ZFAND4: variants seen among roughly 807,000 people sequenced by gnomAD.
ZFAND4 encodes zinc finger AN1-type containing 4.
A neutral mutation model predicts 64.4 loss-of-function variants in ZFAND4; 43 were observed. That is an observed-to-expected ratio of 0.67 (90% CI 0.52 to 0.86). The LOEUF is 0.86. Among genes scored for constraint, ZFAND4 ranks in the 40% least tolerant of loss-of-function variants. The pLI, the probability that ZFAND4 is intolerant of heterozygous loss-of-function variation, is 0.00. For synonymous variants in ZFAND4, 296 were observed against 305.7 expected, an observed-to-expected ratio of 0.97 and a Z score of 0.33; for missense variants, 929 against 859.8, an observed-to-expected ratio of 1.08 and a Z score of -1.01.
chr10:45,626,136 A>G lies in ZFAND4; in HGVS notation c.1687T>C (p.Cys563Arg). Reference protein sequence around the residue: ...TNKASKEPVGCVNNISFLASL... With the variant: ...TNKASKEPVGRVNNISFLASL... ...GCAAGAAAACTGATATTATTTACACAACCAACAGGCTCTTTGGAAGCCTTG... is the reference window on the plus strand; with the variant it reads ...GCAAGAAAACTGATATTATTTACACGACCAACAGGCTCTTTGGAAGCCTTG... The change falls in exon 7 of 10, where the codon TGT (cysteine) becomes CGT (arginine). Residue 563 changes from cysteine (C) to arginine (R), a missense_variant. Transcript: ENST00000344646. 1.2e-6 allele frequency: 2 copies of G among 1,614,142 alleles called. No homozygotes were observed. The highest frequency in any genetic ancestry group is 1.7e-6 in the Non-Finnish European group (2 of 1,180,038).
chr10:45,641,941 T>A (rs1169341137), intron 5 of ZFAND4, among the ~76,000 whole-genome samples: 1 of 152,176 alleles, frequency 6.6e-6, no homozygotes, highest in Non-Finnish European at 1.5e-5. Context: ...CTACTACTAC[T>A]CATTGCTTCC....
intron 6 of ZFAND4, among the ~76,000 whole-genome samples, chr10:45,635,216 A>AAAAAC (rs2046500483): frequency 7.2e-6 from 1 of 139,412 alleles, no homozygotes; most frequent in African/African-American, 2.9e-5. Context: ...AAAAAAAACA[A>AAAAAC]AAAAAAAACA....
intron 6 of ZFAND4, among the ~76,000 whole-genome samples, chr10:45,638,824 C>A (rs998435796): frequency 6.6e-6 from 1 of 152,118 alleles, no homozygotes; most frequent in Non-Finnish European, 1.5e-5. Context: ...CAAACAAATA[C>A]TTTTAACAAA....
intron 4 of ZFAND4, chr10:45,651,564 A>C: frequency 2.1e-6 from 1 of 471,760 alleles, no homozygotes; most frequent in Non-Finnish European, 4.4e-6. Context: ...ACACATCACA[A>C]ACCAGGTAAA....
At chr10:45,671,790 C>T (rs1166267530) in intron 1 of ZFAND4, among the ~76,000 whole-genome samples, 2 of 151,440 alleles carry the variant, frequency 1.3e-5, no homozygotes, top group Non-Finnish European at 2.9e-5. Flanking sequence ...ATGTACCAAA[C>T]CTGCACGTTG....
intron 6 of ZFAND4, among the ~76,000 whole-genome samples, chr10:45,629,826 A>G (rs1036420206): frequency 1.7e-4 from 26 of 152,078 alleles, no homozygotes; most frequent in African/African-American, 6.3e-4. Context: ...TCATGCCACT[A>G]CACCCCAGCC....
At chr10:45,623,119 C>T (rs1265348307) in intron 8 of ZFAND4, among the ~76,000 whole-genome samples, 1 of 152,124 alleles carries the variant, frequency 6.6e-6, no homozygotes, top group Non-Finnish European at 1.5e-5. Context: ...AGGAAAATAA[C>T]AAGTGTTGCC....
intron 6 of ZFAND4, among the ~76,000 whole-genome samples, chr10:45,627,785 G>C (rs1044042230): frequency 2.0e-5 from 3 of 152,106 alleles, no homozygotes; most frequent in Non-Finnish European, 4.4e-5. Context: ...GAGCCTCCCC[G>C]GTAAACAACA....
At position 45,651,225 on chromosome 10, in the gene ZFAND4, T is replaced by C. The variant is rs541746504; in HGVS notation, c.328+741A>G. ...GTGACATACCTGACTCAGGGACCAA[T>C]GTGAATACTGCCGTCTCTTCTTGTG... is the stretch of plus-strand genomic sequence containing the variant. On this transcript the variant is annotated intron_variant, in intron 4 of 9. Coordinates refer to ENST00000344646, the MANE Select transcript of ZFAND4 (RefSeq NM_174890.4). The C allele has an allele frequency of 1.3e-4, 23 of 170,744 alleles. No homozygotes were observed. In the South Asian group the frequency reaches 3.1e-3, roughly 23 times the overall value. The allele number at this position is 170,744 out of a possible 1,614,324, so 10.6% of individuals were successfully genotyped here.
chr10:45,637,852 T>C (rs1343066829), intron 6 of ZFAND4, among the ~76,000 whole-genome samples: 2 of 152,094 alleles, frequency 1.3e-5, no homozygotes, highest in Admixed American at 1.3e-4. Flanking sequence ...CAAGCCACCA[T>C]AGAGTGTTAG....
At chr10:45,668,878 C>T (rs911246988) in intron 1 of ZFAND4, among the ~76,000 whole-genome samples, 2 of 152,200 alleles carry the variant, frequency 1.3e-5, no homozygotes, top group African/African-American at 4.8e-5. Context: ...GCACCAGAAT[C>T]TCTGGGACAC....
intron 6 of ZFAND4, among the ~76,000 whole-genome samples, chr10:45,636,667 T>G (rs2046619474): frequency 6.6e-6 from 1 of 152,114 alleles, no homozygotes; most frequent in Non-Finnish European, 1.5e-5. Context: ...GAACCTGTTT[T>G]ATGGCACACA....
chr10:45,643,457 A>T (rs1452043527), intron 5 of ZFAND4, among the ~76,000 whole-genome samples: 1 of 151,080 alleles, frequency 6.6e-6, no homozygotes, highest in Non-Finnish European at 1.5e-5. Flanking sequence ...GATCACCAGG[A>T]CGGGAGATCA....
At position 45,663,742 on chromosome 10, in the gene ZFAND4, G is replaced by A; in HGVS notation, c.-17C>T. On this transcript the variant is annotated 5_prime_UTR_variant, in exon 2 of 10. Coordinates refer to ENST00000344646, the MANE Select transcript of ZFAND4 (RefSeq NM_174890.4). ...GTTATCCATTACTTTGACTTTTCTA[G>A]TTCTTCTAAAATATGTCGCAGGCAA... is the stretch of plus-strand genomic sequence containing the variant. 1 of 1,578,044 alleles carries A rather than the reference G, an allele frequency of 6.3e-7. No individual in the cohort carries two copies. The highest frequency in any genetic ancestry group is 8.6e-7 in the Non-Finnish European group (1 of 1,168,810).
chr10:45,652,909 T>A, intron 3 of ZFAND4, 75 bp downstream of exon 3: 1 of 1,147,126 alleles, frequency 8.7e-7, no homozygotes, highest in Admixed American at 2.1e-5. Flanking sequence ...ATCTAAGAGT[T>A]CAAAAGAAAA....
rs139565989 is a variant in ZFAND4, at chr10:45,626,094, T to G, written c.1729A>C (p.Thr577Pro). Residue 577 changes from threonine to proline, a missense_variant, in exon 7 of 10, where the codon ACA (threonine) becomes CCA (proline). By Grantham distance (38) the Thr-to-Pro change is conservative. Coordinates refer to ENST00000344646, the MANE Select transcript of ZFAND4 (RefSeq NM_174890.4). ...ISFLASLAGS[T>P]SRNRLQSTRG... ...GTGCTCTGTAATCTATTTCTGCTTGTGCTCCCGGCCAGTGAGGCAAGAAAA... is the reference window on the plus strand; with the variant it reads ...GTGCTCTGTAATCTATTTCTGCTTGGGCTCCCGGCCAGTGAGGCAAGAAAA... 1 of 1,614,102 alleles carries G rather than the reference T, an allele frequency of 6.2e-7. No homozygotes were observed.
intron 2 of ZFAND4, among the ~76,000 whole-genome samples, chr10:45,658,151 G>C (rs1289250872): frequency 6.6e-6 from 1 of 152,158 alleles, no homozygotes; most frequent in Non-Finnish European, 1.5e-5. Flanking sequence ...ACAGAATCTT[G>C]ACATATGTAT....
At position 45,670,145 on chromosome 10, in the gene ZFAND4, C is replaced by A. The variant is rs538638410; in HGVS notation, c.-118+2105G>T. On this transcript the variant is annotated intron_variant, in intron 1 of 9. Transcript: ENST00000344646. ...ATTTAGAAAACCCCATCGTCCCAACCCAAAATCTCCTTAAGCTGATAAACA... is the reference window on the plus strand; with the variant it reads ...ATTTAGAAAACCCCATCGTCCCAACACAAAATCTCCTTAAGCTGATAAACA... 1.3e-3 allele frequency among the ~76,000 whole-genome samples: 194 copies of A among 152,172 alleles called. 1 individual carries two copies. The highest frequency in any genetic ancestry group is 4.3e-3 in the African/African-American group (179 of 41,510).
At chr10:45,632,474 T>A (rs550108316) in intron 6 of ZFAND4, among the ~76,000 whole-genome samples, 116 of 152,046 alleles carry the variant, frequency 7.6e-4, no homozygotes, top group African/African-American at 2.5e-3. Flanking sequence ...TAGAAAAAAA[T>A]TTTTAATGAG....
Sources: allele counts gnomAD v4.1 joint callset (sites outside exome capture counted in the v4.1 genomes callset), GRCh38; gene constraint gnomAD v4.1.1; transcripts MANE v1.5; gene names NCBI Gene and HGNC (gene_info 2026-07-23, HGNC 2026-07-21).